Variants in PRR5L observed in about 807,000 individuals in gnomAD.
PRR5L encodes the protein proline-rich protein 5-like.
A neutral mutation model predicts 36.4 loss-of-function variants in PRR5L; 21 were observed. The ratio of observed to expected loss-of-function variants is 0.58; its 90% CI spans 0.41 to 0.83. PRR5L has a LOEUF of 0.83. Among genes scored for constraint, PRR5L ranks in the 40% least tolerant of loss-of-function variants. The pLI, the probability that PRR5L is intolerant of heterozygous loss-of-function variation, is 0.00. For missense variants in PRR5L, 381 were observed against 473.3 expected, an observed-to-expected ratio of 0.80 and a Z score of 1.81; for synonymous variants, 188 against 197.0, an observed-to-expected ratio of 0.95 and a Z score of 0.38.
At chr11:36,395,888 ATTTATT>A (rs1029659534) in intron 1 of PRR5L, among the ~76,000 whole-genome samples, 1 of 151,896 alleles carries the variant, frequency 6.6e-6, no homozygotes, top group African/African-American at 2.4e-5. Context: ...TGCCTGAATA[ATTTATT>A]TTTATTTTTA....
At chr11:36,351,289 TATATATTTATATATATATTTA>T (rs1856942869) in intron 1 of PRR5L, among the ~76,000 whole-genome samples, 1 of 27,988 alleles carries the variant, frequency 3.6e-5, no homozygotes, top group Non-Finnish European at 5.8e-5. Context: ...TATGTATATT[TATATATTTATATATATATTTA>T]TATATATTTA....
At chr11:36,351,341 TAATATATAATAA>T (rs1210764285) in intron 1 of PRR5L, among the ~76,000 whole-genome samples, 2 of 79,940 alleles carry the variant, frequency 2.5e-5, no homozygotes, top group Admixed American at 2.4e-4. Context: ...TATATATTTA[TAATATATAATAA>T]ATATATATAA....
chr11:36,451,093 T>G (rs757790060), intron 7 of PRR5L, 116 bp from the exon 8 acceptor site: 1 of 1,298,506 alleles, frequency 7.7e-7, no homozygotes, highest in Non-Finnish European at 1.1e-6. Flanking sequence ...GGATGCTGCC[T>G]GCCAGCAACA....
In PRR5L at chr11:36,344,768, G is replaced by C. The variant is rs1856848144; in HGVS notation, c.-126+48330G>C. On this transcript the variant is annotated intron_variant, in intron 1 of 8. Coordinates refer to ENST00000530639, the MANE Select transcript of PRR5L (RefSeq NM_001160167.2). The surrounding 1 kb of genome is among the most constrained non-coding windows in gnomAD (Gnocchi z 4.1). ...GATAAATGAAAACCATGAGGATTCT[G>C]ACTGAGAATGAACTGACCAGCCATC... Among the ~76,000 whole-genome samples, 1 of 152,176 alleles carries C rather than the reference G, an allele frequency of 6.6e-6. No individual in the cohort carries two copies. Among genetic ancestry groups the C allele is most frequent in the Admixed American group, 6.5e-5 (1 of 15,272 alleles).
At chr11:36,403,458 T>A in intron 3 of PRR5L, 80 bp downstream of exon 3, 1 of 1,018,782 alleles carries the variant, frequency 9.8e-7, no homozygotes, top group Non-Finnish European at 1.4e-6. Flanking sequence ...TTAGGAGCCT[T>A]AAGGGTTTTT....
intron 1 of PRR5L, among the ~76,000 whole-genome samples, chr11:36,374,051 T>C (rs977190878): frequency 3.8e-5 from 1 of 26,488 alleles, no homozygotes; most frequent in African/African-American, 1.3e-4. Context: ...TTTTTCCTCC[T>C]TCCTTCCTTC....
chr11:36,371,168 T>C (rs940701818), intron 1 of PRR5L, among the ~76,000 whole-genome samples: 5 of 152,200 alleles, frequency 3.3e-5, no homozygotes, highest in African/African-American at 1.2e-4. Context: ...ATTTTGCTTA[T>C]GTCATCCAAA....
rs533774802 is a variant in PRR5L, at chr11:36,399,056, T to C, written c.-125-1941T>C. On this transcript the variant is annotated intron_variant, in intron 1 of 8. Transcript: ENST00000530639. ...TACTGGGTGAGTTAAATCCCAAAGC[T>C]AGCCAATTTAAGGATATGGAAGGAC... 1.4e-3 allele frequency among the ~76,000 whole-genome samples: 211 copies of C among 152,334 alleles called. 1 individual carries two copies. Among genetic ancestry groups the C allele is most frequent in the African/African-American group, 4.9e-3 (203 of 41,576 alleles).
In PRR5L at chr11:36,391,607, ATTGG is replaced by A. The variant is rs141087745; in HGVS notation, c.-125-9388_-125-9385del. Among the ~76,000 whole-genome samples, 13 of 152,314 alleles carry A rather than the reference ATTGG, an allele frequency of 8.5e-5. No homozygotes were observed. In the East Asian group the frequency reaches 2.5e-3, roughly 29 times the overall value. The stretch of plus-strand genomic sequence containing the variant: ...GGGGATTTTTCTTAATGTAAATGGC[ATTGG>A]TCCTTCCGAAAGAAATATGGACCAA... On this transcript the variant is annotated intron_variant, in intron 1 of 8. Transcript: ENST00000530639.
chr11:36,340,478 A>G (rs113187311), intron 1 of PRR5L, among the ~76,000 whole-genome samples: 8 of 152,370 alleles, frequency 5.3e-5, no homozygotes, highest in African/African-American at 1.9e-4. Flanking sequence ...TGTGTCAGAC[A>G]CTGTTCGAAG....
In PRR5L at chr11:36,462,878, T is replaced by C. The variant is rs1859222008; in HGVS notation, c.*142T>C. 1.3e-6 allele frequency: 1 copy of C among 764,216 alleles called. No individual in the cohort carries two copies. Among genetic ancestry groups the C allele is most frequent in the Non-Finnish European group, 1.9e-6 (1 of 518,686 alleles). 47.3% of individuals were successfully genotyped at this position (764,216 alleles called of 1,614,324 possible). On this transcript the variant is annotated 3_prime_UTR_variant, in exon 9 of 9. Coordinates refer to ENST00000530639, the MANE Select transcript of PRR5L (RefSeq NM_001160167.2). The stretch of plus-strand genomic sequence containing the variant: ...GGGTACTGTCCTGGTCAAAATGACC[T>C]AAGGGGAAACCGTTGTTGTAAACCT...
At chr11:36,460,474 TTC>T (rs1283446581) in intron 8 of PRR5L, among the ~76,000 whole-genome samples, 1 of 152,028 alleles carries the variant, frequency 6.6e-6, no homozygotes, top group Non-Finnish European at 1.5e-5. Flanking sequence ...AGTTGTGGGG[TTC>T]TGTAGTATCT....
At chr11:36,355,026 G>A (rs781726346) in intron 1 of PRR5L, among the ~76,000 whole-genome samples, 12 of 152,180 alleles carry the variant, frequency 7.9e-5, no homozygotes, top group Non-Finnish European at 1.0e-4. Flanking sequence ...TAGGCATTCC[G>A]TGAGGCTAAG....
At chr11:36,406,069 A>T (rs1476287833) in intron 3 of PRR5L, among the ~76,000 whole-genome samples, 1 of 151,552 alleles carries the variant, frequency 6.6e-6, no homozygotes, top group African/African-American at 2.4e-5. Flanking sequence ...GAGAGGTCTT[A>T]TGTTGGGAGA....
chr11:36,368,232 T>C (rs1238128312), intron 1 of PRR5L, among the ~76,000 whole-genome samples: 3 of 151,762 alleles, frequency 2.0e-5, no homozygotes, highest in African/African-American at 7.3e-5. Flanking sequence ...GGTCTGAAAA[T>C]TTCAAGGCAA....
intron 1 of PRR5L, among the ~76,000 whole-genome samples, chr11:36,313,773 T>G (rs775862301): frequency 1.3e-5 from 2 of 152,172 alleles, no homozygotes; most frequent in African/African-American, 2.4e-5. Flanking sequence ...GAATACTAAA[T>G]AGAGTTTGCC....
At chr11:36,314,505 C>T (rs376577535) in intron 1 of PRR5L, among the ~76,000 whole-genome samples, 1 of 152,228 alleles carries the variant, frequency 6.6e-6, no homozygotes, top group African/African-American at 2.4e-5. Context: ...ACTTTCACAA[C>T]TTTCAGGATT....
chr11:36,367,396 A>G lies in PRR5L; in HGVS notation c.-125-33601A>G, dbSNP rs114421516. 3.7e-3 allele frequency among the ~76,000 whole-genome samples: 569 copies of G among 152,342 alleles called. 5 individuals are homozygous for G. The highest frequency in any genetic ancestry group is 0.013 in the African/African-American group (549 of 41,570). On this transcript the variant is annotated intron_variant, in intron 1 of 8. Coordinates refer to ENST00000530639, the MANE Select transcript of PRR5L (RefSeq NM_001160167.2). ...AAAAATGTATTACAATGTGCCAAGC[A>G]TTGTGCCAAGTATTTCACACGGCTC... is the stretch of plus-strand genomic sequence containing the variant.
At chr11:36,361,063 C>T (rs1035360000) in intron 1 of PRR5L, among the ~76,000 whole-genome samples, 4 of 152,204 alleles carry the variant, frequency 2.6e-5, no homozygotes, top group Non-Finnish European at 1.5e-5. Flanking sequence ...GCACTGGTCC[C>T]CACCTATGTA....
Sources: allele counts gnomAD v4.1 joint callset (sites outside exome capture counted in the v4.1 genomes callset), GRCh38; gene constraint gnomAD v4.1.1; non-coding constraint Gnocchi (gnomAD v3.1); transcripts MANE v1.5; gene names NCBI Gene and HGNC (gene_info 2026-07-23, HGNC 2026-07-21).